CADM1: variants seen among roughly 807,000 people sequenced by gnomAD.
The protein encoded by CADM1 is TSLC-1.
A neutral mutation model predicts 53.1 loss-of-function variants in CADM1; 15 were observed. The observed-to-expected ratio is 0.28, with a 90% CI of 0.19 to 0.44. CADM1 has a LOEUF of 0.44. CADM1 is among the 20% of genes least tolerant of loss of function. The probability of loss-of-function intolerance (pLI) is 1.00; values close to 1 mark genes in which losing one functional copy is unlikely to be tolerated. For missense variants in CADM1, 434 were observed against 611.3 expected, an observed-to-expected ratio of 0.71 and a Z score of 3.06; for synonymous variants, 281 against 243.0, an observed-to-expected ratio of 1.16 and a Z score of -1.45.
At chr11:115,382,052 C>T (rs934832573) in intron 1 of CADM1, among the ~76,000 whole-genome samples, 10 of 152,258 alleles carry the variant, frequency 6.6e-5, no homozygotes, top group African/African-American at 2.4e-4. Flanking sequence ...ACCATGGTGG[C>T]CAGGCTGGTC....
chr11:115,373,117 T>C (rs918907862), intron 1 of CADM1, among the ~76,000 whole-genome samples: 1 of 152,236 alleles, frequency 6.6e-6, no homozygotes, highest in Non-Finnish European at 1.5e-5. Context: ...TCTCTGGCCT[T>C]GGGCAGAGCC....
intron 1 of CADM1, among the ~76,000 whole-genome samples, chr11:115,439,283 C>T (rs1206387485): frequency 6.6e-6 from 1 of 152,128 alleles, no homozygotes; most frequent in East Asian, 1.9e-4. Flanking sequence ...AATTCCTGTT[C>T]CTAAACGTTT....
chr11:115,207,621 C>A (rs1940758576), intron 8 of CADM1, among the ~76,000 whole-genome samples: 1 of 151,880 alleles, frequency 6.6e-6, no homozygotes, highest in African/African-American at 2.4e-5. Flanking sequence ...AGAAGGCCAG[C>A]CGCAAATGAA....
chr11:115,340,654 A>ATTTTTTTTTTT (rs1370287141), intron 1 of CADM1, among the ~76,000 whole-genome samples: 2 of 52,670 alleles, frequency 3.8e-5, no homozygotes, highest in African/African-American at 1.8e-4. Flanking sequence ...ATATATATAT[A>ATTTTTTTTTTT]TATATTTTTT....
At chr11:115,186,509 T>A (rs561138256) in intron 10 of CADM1, among the ~76,000 whole-genome samples, 1 of 152,116 alleles carries the variant, frequency 6.6e-6, no homozygotes, top group East Asian at 1.9e-4. Context: ...GTGGATTTCA[T>A]AGGGGGAAAG....
intron 1 of CADM1, among the ~76,000 whole-genome samples, chr11:115,262,130 ACTT>A (rs1942994129): frequency 1.3e-5 from 2 of 149,092 alleles, no homozygotes; most frequent in East Asian, 3.9e-4. Context: ...TTTGTGTCAC[ACTT>A]TTTTTGTCTT....
intron 1 of CADM1, among the ~76,000 whole-genome samples, chr11:115,379,763 T>C (rs1459318410): frequency 6.6e-6 from 1 of 152,196 alleles, no homozygotes; most frequent in African/African-American, 2.4e-5. Context: ...AGATTATGAC[T>C]CATTTCATTC....
chr11:115,245,990 A>C (rs1485805044), intron 1 of CADM1, among the ~76,000 whole-genome samples: 2 of 152,228 alleles, frequency 1.3e-5, no homozygotes, highest in Non-Finnish European at 2.9e-5. Context: ...TCAAGCCACG[A>C]AAGCGTTTGA....
intron 3 of CADM1, among the ~76,000 whole-genome samples, chr11:115,232,381 A>C (rs1941851669): frequency 6.6e-6 from 1 of 152,244 alleles, no homozygotes; most frequent in Non-Finnish European, 1.5e-5. Context: ...TGGATAATGT[A>C]GTAATAAAGT....
intron 3 of CADM1, among the ~76,000 whole-genome samples, chr11:115,234,537 A>G (rs1001837806): frequency 2.6e-5 from 4 of 152,188 alleles, no homozygotes; most frequent in African/African-American, 9.7e-5. Context: ...TATATGCCCA[A>G]AGAGCTGACA....
intron 1 of CADM1, among the ~76,000 whole-genome samples, chr11:115,432,167 G>A (rs535691165): frequency 5.9e-5 from 9 of 151,948 alleles, no homozygotes; most frequent in Admixed American, 2.6e-4. Flanking sequence ...GGATGGTCTC[G>A]ATCTCCTGAC....
intron 1 of CADM1, among the ~76,000 whole-genome samples, chr11:115,327,547 C>T (rs773442121): frequency 2.0e-5 from 3 of 151,898 alleles, no homozygotes; most frequent in Non-Finnish European, 4.4e-5. Context: ...ATTAAAATGG[C>T]TTGTTAGAAT....
intron 3 of CADM1, among the ~76,000 whole-genome samples, chr11:115,234,710 T>A (rs543878991): frequency 6.6e-6 from 1 of 151,900 alleles, no homozygotes; most frequent in Non-Finnish European, 1.5e-5. Context: ...CTGGCCAACA[T>A]GGTGAAACCC....
intron 1 of CADM1, among the ~76,000 whole-genome samples, chr11:115,343,677 T>C (rs1945504644): frequency 6.6e-6 from 1 of 151,824 alleles, no homozygotes; most frequent in Admixed American, 6.6e-5. Flanking sequence ...CATTTATCCT[T>C]TATTTCTATA....
chr11:115,306,072 C>CCCCACACACACACA (rs1555060495), intron 1 of CADM1, among the ~76,000 whole-genome samples: 6 of 130,430 alleles, frequency 4.6e-5, no homozygotes, highest in South Asian at 2.7e-4. Context: ...AGGATATATA[C>CCCCACACACACACA]CACACACACA....
At chr11:115,327,844 A>G (rs151316652) in intron 1 of CADM1, among the ~76,000 whole-genome samples, 35 of 152,350 alleles carry the variant, frequency 2.3e-4, no homozygotes, top group African/African-American at 8.2e-4. Context: ...TAAGTACTCA[A>G]TAAATGTTAG....
At chr11:115,457,815 C>T (rs1386405409) in intron 1 of CADM1, among the ~76,000 whole-genome samples, 1 of 151,842 alleles carries the variant, frequency 6.6e-6, no homozygotes, top group African/African-American at 2.4e-5. Context: ...TCATCTCAAC[C>T]GTAACACTAA....
chr11:115,277,522 C>T (rs762865867), intron 1 of CADM1, among the ~76,000 whole-genome samples: 14 of 152,092 alleles, frequency 9.2e-5, no homozygotes, highest in Non-Finnish European at 1.8e-4. Context: ...GAGATTAAAA[C>T]AATACAATTA....
intron 1 of CADM1, among the ~76,000 whole-genome samples, chr11:115,246,986 C>T (rs949094810): frequency 1.3e-5 from 2 of 149,702 alleles, no homozygotes; most frequent in African/African-American, 4.9e-5. Context: ...CCCCTGAATA[C>T]ACAACAAAAA....
Sources: gnomAD v4.1 joint callset for allele counts (sites outside exome capture counted in the v4.1 genomes callset) on GRCh38, gnomAD v4.1.1 for gene constraint, MANE v1.5 for transcripts, NCBI Gene and HGNC (gene_info 2026-07-23, HGNC 2026-07-21) for gene names.